CERK: variants seen among roughly 807,000 people sequenced by gnomAD.
CERK encodes ceramide kinase.
In CERK, 39 loss-of-function variants were observed where a neutral mutation model predicts 63.4. That is an observed-to-expected ratio of 0.61 (90% CI 0.48 to 0.80). The LOEUF (loss-of-function observed/expected upper bound fraction) is 0.80. Among genes scored for constraint, CERK ranks in the 30% least tolerant of loss-of-function variants. The pLI is 0.00. For missense variants in CERK, 670 were observed against 714.1 expected (o/e 0.94, Z 0.70); for synonymous variants, 302 against 280.0 (o/e 1.08, Z -0.78).
intron 5 of CERK, among the ~76,000 whole-genome samples, chr22:46,708,416 G>A (rs113578179): frequency 3.9e-5 from 6 of 152,238 alleles, no homozygotes; most frequent in African/African-American, 1.4e-4. Flanking sequence ...GCGCGGGGAC[G>A]TTTCTCCTTT....
chr22:46,711,098 T>C lies in CERK; in HGVS notation c.557A>G (p.Asp186Gly). ...ACGGCTTACTCACCCGTCGTATTTGTCTATGTTAATCTCATACAGAGTCTC... is the reference window on the plus strand; with the variant it reads ...ACGGCTTACTCACCCGTCGTATTTGCCTATGTTAATCTCATACAGAGTCTC... Reference protein sequence around the residue: ...AKETLYEINIDKYDGIVCVGG... With the variant: ...AKETLYEINIGKYDGIVCVGG... The change falls in exon 5 of 13, where the codon GAC (aspartate) becomes GGC (glycine). Residue 186 changes from aspartate (D) to glycine (G), a missense_variant. Coordinates refer to ENST00000216264, the MANE Select transcript of CERK (RefSeq NM_022766.6). The C allele has an allele frequency of 6.2e-7, 1 of 1,613,468 alleles. No individual in the cohort carries two copies. The highest frequency in any genetic ancestry group is 8.5e-7 in the Non-Finnish European group (1 of 1,179,482).
rs1374626667 is a variant in CERK, at chr22:46,714,865, AAC to A, written c.380-2574_380-2573del. Among the ~76,000 whole-genome samples, 3 of 152,162 alleles carry A rather than the reference AAC, an allele frequency of 2.0e-5. No homozygotes were observed. The highest frequency in any genetic ancestry group is 4.4e-5 in the Non-Finnish European group (3 of 68,014). Reference sequence around the variant, plus strand: ...CCTGAACCTACGTGCAAAAATCCTAAACACAATATCGGTAAGTCAAATCCAGT... The same window carrying A: ...CCTGAACCTACGTGCAAAAATCCTAAACAATATCGGTAAGTCAAATCCAGT... On this transcript the variant is annotated intron_variant, in intron 3 of 12. Coordinates refer to ENST00000216264, the MANE Select transcript of CERK (RefSeq NM_022766.6). This position sits in a 1 kb window ranked among gnomAD's most constrained non-coding sequence, Gnocchi z 4.4.
chr22:46,712,124 C>T, intron 4 of CERK, 44 bp downstream of exon 4: 1 of 1,609,024 alleles, frequency 6.2e-7, no homozygotes, highest in Admixed American at 1.7e-5. Context: ...ATACTTGAAT[C>T]ATTCTCAAAC....
At chr22:46,696,928 C>G (rs2082759482) in intron 8 of CERK, among the ~76,000 whole-genome samples, 1 of 152,208 alleles carries the variant, frequency 6.6e-6, no homozygotes, top group East Asian at 1.9e-4. Flanking sequence ...GCATTCTAGG[C>G]AGAGCCACAC....
chr22:46,708,750 C>T (rs2082826040), intron 5 of CERK, among the ~76,000 whole-genome samples: 2 of 152,248 alleles, frequency 1.3e-5, no homozygotes, highest in African/African-American at 4.8e-5. Context: ...CACTGCAGCC[C>T]AGAGGGAAGG....
chr22:46,730,256 A>G (rs1167248607), intron 1 of CERK, among the ~76,000 whole-genome samples: 2 of 37,068 alleles, frequency 5.4e-5, no homozygotes, highest in African/African-American at 1.0e-4. Context: ...TGTCTCTACT[A>G]AAAAAAAAAA....
chr22:46,721,365 T>C (rs984453747), intron 1 of CERK, among the ~76,000 whole-genome samples: 1 of 152,052 alleles, frequency 6.6e-6, no homozygotes, highest in Non-Finnish European at 1.5e-5. Flanking sequence ...CGATCTCGGC[T>C]CACTGCAAGC....
In CERK at chr22:46,691,683, G is replaced by A; in HGVS notation, c.1221C>T (p.Leu407=). The change falls in exon 11 of 13, where the codon CTC becomes CTT. Residue 407 remains leucine, a synonymous_variant. Coordinates refer to ENST00000216264, the MANE Select transcript of CERK (RefSeq NM_022766.6). ...CGTCTCCCAAGTGGGCAGCCGGGGA[G>A]AGGCCCCTGGGGCTCCGGCGACAAG... is the stretch of plus-strand genomic sequence containing the variant. ...SCACRRSPRG[L]SPAAHLGDGS... 6.2e-7 allele frequency: 1 copy of A among 1,614,004 alleles called. No individual in the cohort carries two copies. Among genetic ancestry groups the A allele is most frequent in the South Asian group, 1.1e-5 (1 of 91,088 alleles).
chr22:46,712,671 C>T (rs1469796944), intron 3 of CERK, among the ~76,000 whole-genome samples: 1 of 152,024 alleles, frequency 6.6e-6, no homozygotes, highest in Non-Finnish European at 1.5e-5. Flanking sequence ...AGGAAGCAGA[C>T]AGAGGGAAGA....
At chr22:46,726,900 G>T (rs945833001) in intron 1 of CERK, among the ~76,000 whole-genome samples, 1 of 152,184 alleles carries the variant, frequency 6.6e-6, no homozygotes, top group Non-Finnish European at 1.5e-5. Flanking sequence ...ATCCAGACGC[G>T]ACTGCGTGTC....
At position 46,720,321 on chromosome 22, in the gene CERK, A is replaced by G. The variant is rs1215574066; in HGVS notation, c.257-113T>C. On this transcript the variant is annotated intron_variant, in intron 2 of 12. Coordinates refer to ENST00000216264, the MANE Select transcript of CERK (RefSeq NM_022766.6). ...TATAGGTTCCTAACCAAAATTTCCC[A>G]GGGGTTCTCCTCCCTTCTAATTAGT... is the stretch of plus-strand genomic sequence containing the variant. The G allele has an allele frequency of 1.9e-5, 24 of 1,284,880 alleles. No individual in the cohort carries two copies. The East Asian group carries it at 3.5e-4, about 19-fold the overall frequency. 79.6% of individuals were successfully genotyped at this position (1,284,880 alleles called of 1,614,324 possible).
At chr22:46,730,757 G>T (rs2082941398) in intron 1 of CERK, among the ~76,000 whole-genome samples, 1 of 152,242 alleles carries the variant, frequency 6.6e-6, no homozygotes, top group East Asian at 1.9e-4. Context: ...AAAGGCAGCT[G>T]TTCAGGGCCT....
Position 46,736,743 on chromosome 22 carries a change from T to C in CERK, c.142+1264A>G, listed in dbSNP as rs529550012. ...CTGGAAACCAAGTGTTGGTCATGGGTCTGAGACCACCCCTCGACCTTGGCC... is the reference window on the plus strand; with the variant it reads ...CTGGAAACCAAGTGTTGGTCATGGGCCTGAGACCACCCCTCGACCTTGGCC... On this transcript the variant is annotated intron_variant, in intron 1 of 12. Coordinates refer to ENST00000216264, the MANE Select transcript of CERK (RefSeq NM_022766.6). Among the ~76,000 whole-genome samples, 49 of 152,146 alleles carry C rather than the reference T, an allele frequency of 3.2e-4. No individual in the cohort carries two copies. In the South Asian group the frequency reaches 1.0e-2, roughly 31 times the overall value.
chr22:46,692,426 T>TAAA (rs553286743), intron 10 of CERK, among the ~76,000 whole-genome samples: 8 of 93,114 alleles, frequency 8.6e-5, no homozygotes, highest in African/African-American at 2.9e-4. Flanking sequence ...AACTCTGTCT[T>TAAA]AAAAAAAAAA....
At position 46,693,451 on chromosome 22, in the gene CERK, C is replaced by T; in HGVS notation, c.1102G>A (p.Ala368Thr). The T allele has an allele frequency of 1.2e-6, 2 of 1,614,170 alleles. No homozygotes were observed. The highest frequency in any genetic ancestry group is 8.5e-7 in the Non-Finnish European group (1 of 1,180,004). Reference sequence around the variant, plus strand: ...CCCGCAGCTTCCAAACCATACAGTGCTTTCTTCTGCTCCTCCTCCAGCTGC... The same window carrying T: ...CCCGCAGCTTCCAAACCATACAGTGTTTTCTTCTGCTCCTCCTCCAGCTGC... ...KQQLEEEQKK[A>T]LYGLEAAEDV... Residue 368 changes from alanine to threonine, a missense_variant, in exon 10 of 13, where the codon GCA (alanine) becomes ACA (threonine). By Grantham distance (58) the Ala-to-Thr change is moderately conservative. Transcript: ENST00000216264.
chr22:46,691,052 TACATAC>T (rs1376513295), intron 11 of CERK, among the ~76,000 whole-genome samples: 3 of 78,478 alleles, frequency 3.8e-5, no homozygotes, highest in Non-Finnish European at 7.7e-5. Context: ...CATGTATACA[TACATAC>T]ACACACACAC....
intron 8 of CERK, among the ~76,000 whole-genome samples, chr22:46,699,050 G>A (rs1214774422): frequency 6.6e-6 from 1 of 152,168 alleles, no homozygotes; most frequent in Non-Finnish European, 1.5e-5. Context: ...CTGGGGTTCT[G>A]GAGTGAACTG....
At chr22:46,693,578 G>A in intron 9 of CERK, 75 bp from the exon 10 acceptor site, 1 of 1,202,940 alleles carries the variant, frequency 8.3e-7, no homozygotes, top group Non-Finnish European at 1.2e-6. Flanking sequence ...ACATATAGAT[G>A]TATTTACATT....
At chr22:46,734,792 C>A (rs1204281040) in intron 1 of CERK, among the ~76,000 whole-genome samples, 1 of 152,170 alleles carries the variant, frequency 6.6e-6, no homozygotes, top group African/African-American at 2.4e-5. Context: ...ACGTCTAAGT[C>A]GAAGAGTGAC....
Sources: allele counts gnomAD v4.1 joint callset (sites outside exome capture counted in the v4.1 genomes callset), GRCh38; gene constraint gnomAD v4.1.1; non-coding constraint Gnocchi (gnomAD v3.1); transcripts MANE v1.5; gene names NCBI Gene and HGNC (gene_info 2026-07-23, HGNC 2026-07-21).